The following ADAMTSL1 variants were observed in gnomAD, a reference collection of about 807,000 sequenced individuals.
ADAMTSL1 encodes the protein ADAMTS like 1, also known as ADAMTS-like protein 1.
ADAMTSL1 carries 126 observed loss-of-function variants against 201.8 expected under a neutral mutation model. The observed-to-expected ratio is 0.62, with a 90% CI of 0.54 to 0.72. ADAMTSL1 has a LOEUF of 0.72. Among genes scored for constraint, ADAMTSL1 ranks in the 30% least tolerant of loss-of-function variants. The pLI, the probability that ADAMTSL1 is intolerant of heterozygous loss-of-function variation, is 0.00. For missense variants in ADAMTSL1, 2,679 were observed against 2,277.8 expected (o/e 1.18, Z -3.59); for synonymous variants, 1,121 against 903.4 (o/e 1.24, Z -4.32).
chr9:18,901,389 G>A lies in ADAMTSL1; in HGVS notation c.4852-4393G>A, dbSNP rs137869200. On this transcript the variant is annotated intron_variant, in intron 26 of 28. Coordinates refer to ENST00000380548, the MANE Select transcript of ADAMTSL1 (RefSeq NM_001040272.6). Reference sequence around the variant, plus strand: ...TCCAATAAAGGTAAATAGACGGGCAGACATTAAAACCAGTATTATTTTGTT... The same window carrying A: ...TCCAATAAAGGTAAATAGACGGGCAAACATTAAAACCAGTATTATTTTGTT... Among the ~76,000 whole-genome samples, 22 of 151,232 alleles carry A rather than the reference G, an allele frequency of 1.5e-4. No homozygotes were observed. In the East Asian group the frequency reaches 4.0e-3, roughly 28 times the overall value.
At chr9:18,424,255 G>A (rs1298965953) in intron 2 of ADAMTSL1, among the ~76,000 whole-genome samples, 2 of 152,170 alleles carry the variant, frequency 1.3e-5, no homozygotes, top group East Asian at 3.9e-4. Flanking sequence ...ACAAGCAAGT[G>A]GGGCTGAGAA....
intron 2 of ADAMTSL1, among the ~76,000 whole-genome samples, chr9:18,448,081 A>T (rs1820266979): frequency 6.6e-6 from 1 of 152,216 alleles, no homozygotes; most frequent in African/African-American, 2.4e-5. Flanking sequence ...AAAACAAGAG[A>T]AAACAAAAAT....
At chr9:18,321,335 AG>A (rs1186530383) in intron 2 of ADAMTSL1, among the ~76,000 whole-genome samples, 4 of 152,230 alleles carry the variant, frequency 2.6e-5, no homozygotes, top group Non-Finnish European at 5.9e-5. Context: ...AGGGAGAAAA[AG>A]GTAAAAATCT....
intron 26 of ADAMTSL1, among the ~76,000 whole-genome samples, chr9:18,903,665 C>T (rs1417853519): frequency 6.6e-6 from 1 of 152,116 alleles, no homozygotes; most frequent in Non-Finnish European, 1.5e-5. Context: ...TAGAGACATC[C>T]ATGCAGCTAG....
At chr9:18,483,852 C>CA (rs1821854149) in intron 1 of ADAMTSL1, among the ~76,000 whole-genome samples, 1 of 152,056 alleles carries the variant, frequency 6.6e-6, no homozygotes, top group South Asian at 2.1e-4. Context: ...CAAAACAAAA[C>CA]AAAAAACTCA....
intron 1 of ADAMTSL1, among the ~76,000 whole-genome samples, chr9:18,106,705 A>T (rs1412331520): frequency 1.3e-5 from 2 of 152,156 alleles, no homozygotes; most frequent in Non-Finnish European, 2.9e-5. Context: ...TTATTTGGTT[A>T]TTTTCAATCA....
chr9:18,208,268 C>T (rs1187682715), intron 2 of ADAMTSL1, among the ~76,000 whole-genome samples: 1 of 152,060 alleles, frequency 6.6e-6, no homozygotes, highest in Non-Finnish European at 1.5e-5. Context: ...GGCTATGAGT[C>T]CCAAGTGGCA....
chr9:17,991,984 G>A (rs531524011), intron 1 of ADAMTSL1, among the ~76,000 whole-genome samples: 1 of 152,040 alleles, frequency 6.6e-6, no homozygotes, highest in Non-Finnish European at 1.5e-5. Context: ...CAGGGGCTTG[G>A]TGCTACCTCT....
chr9:18,734,640 G>C (rs892876715), intron 15 of ADAMTSL1, among the ~76,000 whole-genome samples: 1 of 152,210 alleles, frequency 6.6e-6, no homozygotes. Flanking sequence ...ATATCAGCCA[G>C]TGTCTTATGG....
At chr9:18,420,958 A>T (rs1221162544) in intron 2 of ADAMTSL1, among the ~76,000 whole-genome samples, 5 of 152,160 alleles carry the variant, frequency 3.3e-5, no homozygotes, top group Admixed American at 6.5e-5. Context: ...GTCTGCCTAG[A>T]TCATAGGAGA....
chr9:18,859,770 G>A (rs1310232179), intron 23 of ADAMTSL1, among the ~76,000 whole-genome samples: 3 of 152,142 alleles, frequency 2.0e-5, no homozygotes, highest in African/African-American at 7.2e-5. Context: ...TGAAAAATTG[G>A]AAACATGTAA....
intron 2 of ADAMTSL1, among the ~76,000 whole-genome samples, chr9:18,168,043 T>A (rs1232413196): frequency 6.6e-6 from 1 of 152,008 alleles, no homozygotes; most frequent in African/African-American, 2.4e-5. Flanking sequence ...TAATCGCAAA[T>A]GTACACATGC....
At chr9:18,463,527 G>C (rs1044381269) in intron 2 of ADAMTSL1, among the ~76,000 whole-genome samples, 1 of 151,848 alleles carries the variant, frequency 6.6e-6, no homozygotes, top group Non-Finnish European at 1.5e-5. Flanking sequence ...CCCATACCCC[G>C]TTAAACGTTA....
chr9:18,534,634 T>G (rs1375134485), intron 3 of ADAMTSL1, among the ~76,000 whole-genome samples: 1 of 152,218 alleles, frequency 6.6e-6, no homozygotes, highest in Non-Finnish European at 1.5e-5. Flanking sequence ...CCAGAAGATA[T>G]TCTCTATGAG....
chr9:18,452,819 C>T (rs555157320), intron 2 of ADAMTSL1, among the ~76,000 whole-genome samples: 3 of 152,244 alleles, frequency 2.0e-5, no homozygotes, highest in Admixed American at 6.5e-5. Context: ...CAAGGCCTCA[C>T]GCAGCCTCAT....
chr9:18,225,222 C>G (rs1054360364), intron 2 of ADAMTSL1, among the ~76,000 whole-genome samples: 4 of 152,098 alleles, frequency 2.6e-5, no homozygotes, highest in Admixed American at 6.6e-5. Context: ...GTGAATGTGG[C>G]CTGAAACATA....
chr9:18,468,121 A>T (rs553494586), intron 2 of ADAMTSL1, among the ~76,000 whole-genome samples: 53 of 152,278 alleles, frequency 3.5e-4, no homozygotes, highest in African/African-American at 1.2e-3. Flanking sequence ...TGTTGCCAAG[A>T]TTCTCTGTAG....
At chr9:18,713,909 A>G (rs943421244) in intron 14 of ADAMTSL1, among the ~76,000 whole-genome samples, 9 of 149,894 alleles carry the variant, frequency 6.0e-5, no homozygotes, top group African/African-American at 2.0e-4. Context: ...CTCTCAGACC[A>G]CAGTGCAATC....
intron 1 of ADAMTSL1, among the ~76,000 whole-genome samples, chr9:17,996,366 G>C (rs549370741): frequency 2.0e-5 from 3 of 152,160 alleles, no homozygotes; most frequent in Admixed American, 2.0e-4. Context: ...GAGAAGATGG[G>C]TTTGGGGATA....
Sources: allele counts gnomAD v4.1 joint callset (sites outside exome capture counted in the v4.1 genomes callset), GRCh38; gene constraint gnomAD v4.1.1; transcripts MANE v1.5; gene names NCBI Gene and HGNC (gene_info 2026-07-23, HGNC 2026-07-21).